NFIA: variants seen among roughly 807,000 people sequenced by gnomAD.
NFIA encodes nuclear factor 1 A-type.
A neutral mutation model predicts 62.8 loss-of-function variants in NFIA; 8 were observed. The ratio of observed to expected loss-of-function variants is 0.13; its 90% CI spans 0.07 to 0.23. NFIA has a LOEUF of 0.23. NFIA is among the 10% of genes least tolerant of loss of function. The pLI is 1.00. For synonymous variants in NFIA, 235 were observed against 238.1 expected, an observed-to-expected ratio of 0.99 and a Z score of 0.12; for missense variants, 410 against 642.1, an observed-to-expected ratio of 0.64 and a Z score of 3.91.
intron 2 of NFIA, among the ~76,000 whole-genome samples, chr1:61,193,492 T>C (rs192368425): frequency 7.9e-4 from 121 of 152,312 alleles, no homozygotes; most frequent in Non-Finnish European, 9.4e-4. Context: ...AGGGAATAGC[T>C]CCTGAATTAG....
chr1:61,245,902 C>T (rs1219291536), intron 2 of NFIA, among the ~76,000 whole-genome samples: 6 of 152,090 alleles, frequency 3.9e-5, no homozygotes, highest in Admixed American at 3.3e-4. Flanking sequence ...ATCTATAAAC[C>T]ACTCAATCCC....
At chr1:61,216,408 A>G (rs1011010148) in intron 2 of NFIA, among the ~76,000 whole-genome samples, 1 of 152,160 alleles carries the variant, frequency 6.6e-6, no homozygotes, top group African/African-American at 2.4e-5. Flanking sequence ...AAACATTTCA[A>G]AGAAGGCCTC....
chr1:61,351,211 G>T (rs186065549), intron 4 of NFIA, among the ~76,000 whole-genome samples: 2 of 152,196 alleles, frequency 1.3e-5, no homozygotes, highest in African/African-American at 4.8e-5. Context: ...AGCACCTGTA[G>T]CTCTATCAGA....
intron 5 of NFIA, 56 bp downstream of exon 5, chr1:61,352,623 T>G: frequency 1.5e-6 from 2 of 1,329,600 alleles, no homozygotes; most frequent in Admixed American, 1.7e-5. Context: ...ACACCTTGAT[T>G]TTAACTCTGG....
At chr1:61,402,622 T>C (rs1403023625) in intron 7 of NFIA, among the ~76,000 whole-genome samples, 1 of 152,176 alleles carries the variant, frequency 6.6e-6, no homozygotes. Flanking sequence ...AGGTTATGTT[T>C]GAGACATCCT....
chr1:61,082,398 G>A, upstream of NFIA: 2 of 856,572 alleles, frequency 2.3e-6, no homozygotes, highest in Non-Finnish European at 2.8e-6. Flanking sequence ...CGGCGCGAGC[G>A]GGCGGCGGCT....
rs144834157 is a variant in NFIA, at chr1:61,304,074, G to A, written c.625+26489G>A. Among the ~76,000 whole-genome samples the A allele has an allele frequency of 4.6e-3, 703 of 152,146 alleles. 6 individuals carry two copies. Among genetic ancestry groups the A allele is most frequent in the African/African-American group, 0.016 (676 of 41,518 alleles). ...CCAGATCACTTGAGGCCGGAAGTTC[G>A]AGACCAGCCTGGCCAACATGATGAA... is the stretch of plus-strand genomic sequence containing the variant. On this transcript the variant is annotated intron_variant, in intron 3 of 10. Transcript: ENST00000403491.
chr1:61,255,089 G>A (rs1024134536), intron 2 of NFIA, among the ~76,000 whole-genome samples: 1 of 152,198 alleles, frequency 6.6e-6, no homozygotes, highest in Admixed American at 6.5e-5. Context: ...ACAGGATACA[G>A]CTTCCTTCTG....
intron 3 of NFIA, among the ~76,000 whole-genome samples, chr1:61,306,119 G>A (rs1260535176): frequency 6.6e-6 from 1 of 151,216 alleles, no homozygotes; most frequent in East Asian, 2.0e-4. Flanking sequence ...CAAAGTGCTG[G>A]GATTACAGGC....
chr1:61,189,244 G>C (rs565291912), intron 2 of NFIA, among the ~76,000 whole-genome samples: 1 of 152,294 alleles, frequency 6.6e-6, no homozygotes, highest in South Asian at 2.1e-4. Flanking sequence ...CTGAAGATTA[G>C]AGTGTGGAGC....
intron 3 of NFIA, among the ~76,000 whole-genome samples, chr1:61,299,325 A>G (rs779637457): frequency 5.9e-5 from 9 of 152,140 alleles, no homozygotes; most frequent in African/African-American, 9.7e-5. Flanking sequence ...AACTTTGAAG[A>G]CTCAAGTGTT....
chr1:61,325,617 C>T (rs926054170), intron 3 of NFIA, among the ~76,000 whole-genome samples: 2 of 152,150 alleles, frequency 1.3e-5, no homozygotes, highest in African/African-American at 4.8e-5. Flanking sequence ...GAGATGGTTA[C>T]ATCAAAACCT....
chr1:61,192,530 T>C (rs891023193), intron 2 of NFIA, among the ~76,000 whole-genome samples: 2 of 142,376 alleles, frequency 1.4e-5, no homozygotes, highest in Non-Finnish European at 3.0e-5. Flanking sequence ...TGAAACCCCA[T>C]GACTACTAAA....
chr1:61,405,731 A>G (rs759970703), intron 8 of NFIA, among the ~76,000 whole-genome samples: 7 of 152,210 alleles, frequency 4.6e-5, no homozygotes, highest in Non-Finnish European at 8.8e-5. Flanking sequence ...ATTTTATAGG[A>G]CTTAAGGCAG....
chr1:61,326,686 G>C (rs1366681002), intron 3 of NFIA, among the ~76,000 whole-genome samples: 1 of 152,132 alleles, frequency 6.6e-6, no homozygotes, highest in African/African-American at 2.4e-5. Context: ...GAGTATAACT[G>C]GTCAGTATTC....
intron 10 of NFIA, among the ~76,000 whole-genome samples, chr1:61,444,390 A>C: frequency 6.6e-6 from 1 of 152,206 alleles, no homozygotes. Context: ...TCTGAGTCTG[A>C]AATGCCTGAG....
chr1:61,096,455 C>T (rs959034132), intron 2 of NFIA, among the ~76,000 whole-genome samples: 5 of 151,766 alleles, frequency 3.3e-5, no homozygotes, highest in South Asian at 2.1e-4. Context: ...CCACCTGCCT[C>T]GGCCTGCCAA....
intron 2 of NFIA, among the ~76,000 whole-genome samples, chr1:61,197,676 G>C (rs1352862431): frequency 6.6e-6 from 1 of 151,994 alleles, no homozygotes; most frequent in Non-Finnish European, 1.5e-5. Context: ...TGAGTCAAGG[G>C]CTTGCTTAGA....
chr1:61,137,244 A>G (rs1432681148), intron 2 of NFIA, among the ~76,000 whole-genome samples: 2 of 152,208 alleles, frequency 1.3e-5, no homozygotes, highest in Non-Finnish European at 1.5e-5. Context: ...CTGCATGCCA[A>G]ACATCCTGTA....
Sources: allele counts gnomAD v4.1 joint callset (sites outside exome capture counted in the v4.1 genomes callset), GRCh38; gene constraint gnomAD v4.1.1; transcripts MANE v1.5; gene names NCBI Gene and HGNC (gene_info 2026-07-23, HGNC 2026-07-21).